The following KIF13A variants were observed in gnomAD, a reference collection of about 807,000 sequenced individuals.
KIF13A encodes the protein kinesin-like protein KIF13A.
Under a neutral mutation model 212.2 loss-of-function variants are expected in KIF13A, and 79 were observed. The ratio of observed to expected loss-of-function variants is 0.37; its 90% CI spans 0.31 to 0.45. KIF13A has a LOEUF of 0.45. Among genes scored for constraint, KIF13A ranks in the 20% least tolerant of loss-of-function variants. The pLI, the probability that KIF13A is intolerant of heterozygous loss-of-function variation, is 1.00. For synonymous variants in KIF13A, 789 were observed against 808.6 expected (o/e 0.98, Z 0.41); for missense variants, 1,901 against 2,209.0 (o/e 0.86, Z 2.79).
intron 2 of KIF13A, among the ~76,000 whole-genome samples, chr6:17,944,030 T>C (rs192710921): frequency 3.9e-5 from 6 of 152,322 alleles, no homozygotes; most frequent in African/African-American, 1.4e-4. Context: ...AATTACACAC[T>C]TGCTGAAGAT....
intron 2 of KIF13A, among the ~76,000 whole-genome samples, chr6:17,966,117 C>G (rs1313791270): frequency 6.6e-6 from 1 of 152,092 alleles, no homozygotes; most frequent in Non-Finnish European, 1.5e-5. Context: ...TTGCTTGAAC[C>G]CGGGAGGCAA....
In KIF13A at chr6:17,967,205, T is replaced by C. The variant is rs1398878795; in HGVS notation, c.146+19849A>G. 6.6e-6 allele frequency among the ~76,000 whole-genome samples: 1 copy of C among 152,228 alleles called. No individual in the cohort carries two copies. Among genetic ancestry groups the C allele is most frequent in the African/African-American group, 2.4e-5 (1 of 41,466 alleles). On this transcript the variant is annotated intron_variant, in intron 2 of 38. Coordinates refer to ENST00000259711, the MANE Select transcript of KIF13A (RefSeq NM_022113.6). The surrounding 1 kb of genome is among the most constrained non-coding windows in gnomAD (Gnocchi z 4.1). ...CTAAACATTCAGCTGAACCTAGTGC[T>C]GTAAATTTTTAGATAGTGCTACCGC...
At chr6:17,807,338 C>T (rs1304766551) in intron 18 of KIF13A, among the ~76,000 whole-genome samples, 2 of 151,916 alleles carry the variant, frequency 1.3e-5, no homozygotes, top group Non-Finnish European at 2.9e-5. Flanking sequence ...AATATTAATA[C>T]CCTGGGAAAG....
At chr6:17,841,999 ACG>A (rs1491097634) in intron 9 of KIF13A, among the ~76,000 whole-genome samples, 82 of 108,788 alleles carry the variant, frequency 7.5e-4, no homozygotes, top group Middle Eastern at 4.1e-3. Context: ...ATATACACAT[ACG>A]TGTGTGTGTG....
intron 2 of KIF13A, among the ~76,000 whole-genome samples, chr6:17,962,478 G>A (rs1216926540): frequency 6.6e-6 from 1 of 152,128 alleles, no homozygotes; most frequent in East Asian, 1.9e-4. Flanking sequence ...AAGTAGCAAC[G>A]GAGGGAACAG....
rs1030385513 is a variant in KIF13A at position 17,777,132 on chromosome 6, T to A, written c.4170+145A>T. 22 of 658,008 alleles carry A rather than the reference T, an allele frequency of 3.3e-5. No individual in the cohort carries two copies. In the Admixed American group the frequency reaches 4.3e-4, roughly 13 times the overall value. 40.8% of individuals were successfully genotyped at this position (658,008 alleles called of 1,614,324 possible). ...AGACAACTGTGCTGCCTGGTGTGTGTCCCTGGTACAGAGAAGCAGGCTACA... is the reference window on the plus strand; with the variant it reads ...AGACAACTGTGCTGCCTGGTGTGTGACCCTGGTACAGAGAAGCAGGCTACA... On this transcript the variant is annotated intron_variant, in intron 34 of 38. Transcript: ENST00000259711. This position sits in a 1 kb window ranked among gnomAD's most constrained non-coding sequence, Gnocchi z 4.4.
At chr6:17,965,916 C>T (rs1010832766) in intron 2 of KIF13A, among the ~76,000 whole-genome samples, 2 of 152,162 alleles carry the variant, frequency 1.3e-5, no homozygotes, top group East Asian at 3.9e-4. Context: ...TGGTTCACGC[C>T]TGTAATCCCA....
intron 38 of KIF13A, chr6:17,770,398 T>C (rs1394232284): frequency 7.2e-6 from 1 of 138,856 alleles, no homozygotes; most frequent in African/African-American, 2.6e-5. Context: ...AATTGAGGTA[T>C]AATTTATAAC....
At chr6:17,956,334 C>A (rs536015742) in intron 2 of KIF13A, among the ~76,000 whole-genome samples, 28 of 152,272 alleles carry the variant, frequency 1.8e-4, no homozygotes, top group Non-Finnish European at 4.0e-4. Flanking sequence ...CAAAGAAGGT[C>A]CAGAAAAATC....
rs1330728256 is a variant in KIF13A, at chr6:17,915,100, G to A, written c.147-16920C>T. 6.6e-6 allele frequency among the ~76,000 whole-genome samples: 1 copy of A among 152,178 alleles called. No individual in the cohort carries two copies. Among genetic ancestry groups the A allele is most frequent in the Non-Finnish European group, 1.5e-5 (1 of 68,030 alleles). ...AGAGCATTTATCTATGGTAGCATAA[G>A]AGATAATATATTTGACTTTTCTACA... On this transcript the variant is annotated intron_variant, in intron 2 of 38. Coordinates refer to ENST00000259711, the MANE Select transcript of KIF13A (RefSeq NM_022113.6). This position sits in a 1 kb window ranked among gnomAD's most constrained non-coding sequence, Gnocchi z 4.4.
intron 2 of KIF13A, among the ~76,000 whole-genome samples, chr6:17,972,948 A>G (rs1430630991): frequency 1.3e-5 from 2 of 152,166 alleles, no homozygotes. Flanking sequence ...CCCACAGACC[A>G]GACCCTGAAG....
In KIF13A at chr6:17,764,438, C is replaced by T. The variant is rs766660123; in HGVS notation, c.5090G>A (p.Gly1697Asp). The change falls in exon 39 of 39, where the codon GGC becomes GAC. Residue 1697 changes from glycine to aspartate, a missense_variant. By Grantham distance (94) the Gly-to-Asp change is moderately conservative (BLOSUM62 -1). Around this residue, in one of 5 missense-constraint regions of KIF13A, gnomAD observed 687 missense variants for 759.1 expected, o/e 0.90. Coordinates refer to ENST00000259711, the MANE Select transcript of KIF13A (RefSeq NM_022113.6). The surrounding 1 kb of genome is among the most constrained non-coding windows in gnomAD (Gnocchi z 5.1). ...GCAGGCATCTAGTTCTGAACATGAG[C>T]CAGTCCTGCACAGTGATTTGGAGTT... The part of the protein sequence containing the change: ...EKNSKSLCRT[G>D]SCSELDACPS... 1 of 1,613,986 alleles carries T rather than the reference C, an allele frequency of 6.2e-7. No individual in the cohort carries two copies. Among genetic ancestry groups the T allele is most frequent in the South Asian group, 1.1e-5 (1 of 91,084 alleles).
chr6:17,972,339 G>T (rs1354709007), intron 2 of KIF13A, among the ~76,000 whole-genome samples: 3 of 152,146 alleles, frequency 2.0e-5, no homozygotes, highest in Admixed American at 2.0e-4. Flanking sequence ...TGTATGAATA[G>T]AAGTAGAGAG....
At chr6:17,911,689 T>C (rs1460286651) in intron 2 of KIF13A, among the ~76,000 whole-genome samples, 2 of 99,672 alleles carry the variant, frequency 2.0e-5, no homozygotes, top group African/African-American at 3.3e-5. Context: ...GGGGGGTGGT[T>C]AATGGGTTAA....
At chr6:17,833,014 C>T (rs1194256360) in intron 12 of KIF13A, among the ~76,000 whole-genome samples, 1 of 75,386 alleles carries the variant, frequency 1.3e-5, no homozygotes, top group Non-Finnish European at 2.4e-5. Context: ...ACTCTGTCTG[C>T]AAAAAAAAAA....
Position 17,785,483 on chromosome 6 carries a change from C to A in KIF13A, c.3488+32G>T. 1 of 1,500,404 alleles carries A rather than the reference C, an allele frequency of 6.7e-7. No individual in the cohort carries two copies. The highest frequency in any genetic ancestry group is 2.4e-5 in the East Asian group (1 of 41,674). The allele number at this position is 1,500,404 out of a possible 1,614,324, so 92.9% of individuals were successfully genotyped here. ...GCCACAGGCGACCTGTACCATCTCC[C>A]CAGGTCTGCACAGAAGGGAGGGCAG... On this transcript the variant is annotated intron_variant, in intron 28 of 38. Transcript: ENST00000259711. This position sits in a 1 kb window ranked among gnomAD's most constrained non-coding sequence, Gnocchi z 5.8.
intron 3 of KIF13A, chr6:17,882,246 A>C: frequency 2.9e-6 from 1 of 348,278 alleles, no homozygotes; most frequent in South Asian, 2.2e-5. Context: ...TACCTTTTTC[A>C]ATTTTAGGGG....
chr6:17,804,811 TAA>T (rs56785510), intron 19 of KIF13A, among the ~76,000 whole-genome samples: 159 of 23,238 alleles, frequency 6.8e-3, no homozygotes, highest in African/African-American at 0.016. Flanking sequence ...CTGTCTCCAT[TAA>T]AAAAAAAAAA....
At chr6:17,823,787 G>A (rs188003429) in intron 16 of KIF13A, among the ~76,000 whole-genome samples, 1 of 151,478 alleles carries the variant, frequency 6.6e-6, no homozygotes, top group East Asian at 1.9e-4. Context: ...ATTTTTAGTA[G>A]AGATGGAGTT....
Sources: allele counts gnomAD v4.1 joint callset (sites outside exome capture counted in the v4.1 genomes callset), GRCh38; gene constraint gnomAD v4.1.1; regional missense constraint gnomAD v4.1.1; non-coding constraint Gnocchi (gnomAD v3.1); transcripts MANE v1.5; gene names NCBI Gene and HGNC (gene_info 2026-07-23, HGNC 2026-07-21).